SPRY3: variants seen among roughly 807,000 people sequenced by gnomAD.
SPRY3 encodes protein sprouty homolog 3.
Under a neutral mutation model 20.2 loss-of-function variants are expected in SPRY3, and 15 were observed. The ratio of observed to expected loss-of-function variants is 0.74; its 90% confidence interval spans 0.50 to 1.14. The LOEUF (loss-of-function observed/expected upper bound fraction) is 1.14, where lower values mean the gene tolerates loss of function less well. SPRY3 is among the 50% of genes most tolerant of loss of function. The pLI is 0.00. For synonymous variants in SPRY3, 143 were observed against 136.5 expected, an observed-to-expected ratio of 1.05 and a Z score of -0.33; for missense variants, 364 against 363.9, an observed-to-expected ratio of 1.00 and a Z score of 0.00.
At chrX:155,671,074 C>T (rs1187705132) in intron 2 of SPRY3, among the ~76,000 whole-genome samples, 2 of 111,663 alleles carry the variant, frequency 1.8e-5, no homozygotes, top group Non-Finnish European at 3.8e-5. Context: ...CCACTGTAAT[C>T]CCACCTTGTG....
rs771001848 is a variant in SPRY3 at position 155,770,920 on chromosome X, T to C, written c.-107+2784T>C. 2.6e-5 allele frequency among the ~76,000 whole-genome samples: 4 copies of C among 152,304 alleles called. No homozygotes were observed. The East Asian group carries it at 7.7e-4, about 29-fold the overall frequency. On this transcript the variant is annotated intron_variant, in intron 3 of 3. Transcript: ENST00000675360. ...GTCCAGAATGGCAAACAATTTATTG[T>C]CATTCAATCCTTAAATCCTACTCAA...
intron 2 of SPRY3, among the ~76,000 whole-genome samples, chrX:155,707,529 C>G (rs779082543): frequency 6.6e-6 from 1 of 151,260 alleles, no homozygotes; most frequent in East Asian, 1.9e-4. Flanking sequence ...TTACTAATAT[C>G]TATTTGTCCT....
chrX:155,780,907 T>C (rs1332095290), downstream of SPRY3: 1 of 167,014 alleles, frequency 6.0e-6, no homozygotes, highest in Non-Finnish European at 1.5e-5. Flanking sequence ...AAAAAAGCTC[T>C]ATAATCAGTG....
intron 1 of SPRY3, among the ~76,000 whole-genome samples, chrX:155,630,516 G>A (rs147416602): frequency 0.021 from 2,333 of 111,547 alleles, 26 homozygotes; most frequent in Non-Finnish European, 0.031. Context: ...GTTGACAGTG[G>A]TGTTTTTTCT....
chrX:155,745,584 A>G (rs1299769021), intron 2 of SPRY3, among the ~76,000 whole-genome samples: 3 of 152,058 alleles, frequency 2.0e-5, no homozygotes, highest in Non-Finnish European at 2.9e-5. Context: ...TGACATGCAG[A>G]AAGACTACTG....
chrX:155,673,370 T>C (rs2068049845), intron 2 of SPRY3, among the ~76,000 whole-genome samples: 1 of 111,707 alleles, frequency 9.0e-6, no homozygotes, highest in Non-Finnish European at 1.9e-5. Flanking sequence ...GTTTTCTTCT[T>C]TGTTCACTAA....
chrX:155,658,537 A>G (rs1262502566), intron 2 of SPRY3, among the ~76,000 whole-genome samples: 1 of 112,153 alleles, frequency 8.9e-6, no homozygotes, highest in Non-Finnish European at 1.9e-5. Context: ...TTGATTTTGT[A>G]GCCTTAAACT....
intron 2 of SPRY3, among the ~76,000 whole-genome samples, chrX:155,704,452 A>G (rs1358794976): frequency 2.6e-5 from 4 of 151,834 alleles, no homozygotes; most frequent in African/African-American, 4.8e-5. Flanking sequence ...AATTGAAACA[A>G]AAATTTAGAC....
intron 2 of SPRY3, among the ~76,000 whole-genome samples, chrX:155,753,058 A>G (rs2091270235): frequency 6.6e-6 from 1 of 151,948 alleles, no homozygotes; most frequent in Non-Finnish European, 1.5e-5. Flanking sequence ...TGAGGACTAA[A>G]CAGTCTCCCA....
intron 1 of SPRY3, among the ~76,000 whole-genome samples, chrX:155,637,556 C>T (rs1557351151): frequency 9.0e-6 from 1 of 110,996 alleles, no homozygotes; most frequent in Non-Finnish European, 1.9e-5. Context: ...GTTGGCAGTA[C>T]CCCCTCCCCA....
At chrX:155,637,397 C>T (rs1421374564) in intron 1 of SPRY3, among the ~76,000 whole-genome samples, 1 of 111,244 alleles carries the variant, frequency 9.0e-6, no homozygotes, top group African/African-American at 3.3e-5. Flanking sequence ...CATTTATGCT[C>T]TGCCTGCTAC....
intron 2 of SPRY3, among the ~76,000 whole-genome samples, chrX:155,742,917 C>T (rs2091210112): frequency 6.6e-6 from 1 of 151,760 alleles, no homozygotes; most frequent in Non-Finnish European, 1.5e-5. Context: ...AACATCACAA[C>T]TAAAAGAACT....
chrX:155,728,109 G>T (rs1431137729), intron 2 of SPRY3, among the ~76,000 whole-genome samples: 2 of 152,138 alleles, frequency 1.3e-5, no homozygotes, highest in Non-Finnish European at 2.9e-5. Context: ...CTGTTTGCCT[G>T]GGTATCACCA....
intron 2 of SPRY3, among the ~76,000 whole-genome samples, chrX:155,736,975 G>A (rs1447773900): frequency 6.6e-6 from 1 of 151,850 alleles, no homozygotes; most frequent in Non-Finnish European, 1.5e-5. Context: ...CTAGTCTACT[G>A]GTGAGCCCAT....
intron 2 of SPRY3, among the ~76,000 whole-genome samples, chrX:155,727,311 G>A (rs2091104986): frequency 6.6e-6 from 1 of 152,066 alleles, no homozygotes; most frequent in South Asian, 2.1e-4. Context: ...GAGTATCTTT[G>A]TGGTGTTCTC....
intron 2 of SPRY3, among the ~76,000 whole-genome samples, chrX:155,733,428 C>T (rs2091147831): frequency 6.7e-6 from 1 of 150,034 alleles, no homozygotes; most frequent in African/African-American, 2.5e-5. Context: ...TATATATATA[C>T]ACATACCCAC....
intron 2 of SPRY3, among the ~76,000 whole-genome samples, chrX:155,704,199 T>A (rs1424406319): frequency 6.6e-6 from 1 of 151,722 alleles, no homozygotes; most frequent in East Asian, 1.9e-4. Context: ...CGACACAAAT[T>A]TGGAAACTCT....
intron 2 of SPRY3, among the ~76,000 whole-genome samples, chrX:155,763,434 C>T (rs2091312158): frequency 6.6e-6 from 1 of 152,104 alleles, no homozygotes; most frequent in South Asian, 2.1e-4. Context: ...ATTTGGCTGA[C>T]CTGACTCTAG....
At chrX:155,684,840 A>G (rs1367079616) in intron 2 of SPRY3, among the ~76,000 whole-genome samples, 2 of 111,326 alleles carry the variant, frequency 1.8e-5, no homozygotes, top group African/African-American at 6.5e-5. Context: ...GAATCCTAAA[A>G]TGTATTTATT....
Sources: allele counts gnomAD v4.1 joint callset (sites outside exome capture counted in the v4.1 genomes callset), GRCh38; gene constraint gnomAD v4.1.1; transcripts MANE v1.5; gene names NCBI Gene and HGNC (gene_info 2026-07-23, HGNC 2026-07-21).